The following SEPTIN3 variants were observed in gnomAD, a reference collection of about 807,000 sequenced individuals.
SEPTIN3 encodes septin 3.
A neutral mutation model predicts 45.1 loss-of-function variants in SEPTIN3; 15 were observed. The ratio of observed to expected loss-of-function variants is 0.33; its 90% CI spans 0.22 to 0.51. The LOEUF is 0.51. SEPTIN3 is among the 20% of genes least tolerant of loss of function. SEPTIN3 has a pLI of 0.97. For missense variants in SEPTIN3, 289 were observed against 457.2 expected, an observed-to-expected ratio of 0.63 and a Z score of 3.35; for synonymous variants, 148 against 164.8, an observed-to-expected ratio of 0.90 and a Z score of 0.78.
chr22:41,979,393 C>T (rs760406868), intron 2 of SEPTIN3, among the ~76,000 whole-genome samples: 27 of 152,304 alleles, frequency 1.8e-4, no homozygotes, highest in Middle Eastern at 6.8e-3. Flanking sequence ...GACCACCCCC[C>T]CAAACCATGT....
At position 41,997,431 on chromosome 22, in the gene SEPTIN3, T is replaced by C. The variant is rs984623223; in HGVS notation, c.*464T>C. The C allele has an allele frequency of 4.4e-5, 7 of 157,458 alleles. No homozygotes were observed. The highest frequency in any genetic ancestry group is 1.7e-4 in the African/African-American group (7 of 41,396). 9.8% of individuals were successfully genotyped at this position (157,458 alleles called of 1,614,324 possible). A position where few individuals can be genotyped will look rare whatever the true frequency, so the allele number is the denominator to read the frequency against. ...TGTGAGCCCCAAAGTGGGACAAGGG[T>C]GTCTCCTTCATTACTTAAAGATATT... On this transcript the variant is annotated 3_prime_UTR_variant, in exon 12 of 12. Transcript: ENST00000644076.
chr22:41,989,721 C>A (rs1200480713), intron 7 of SEPTIN3, 37 bp downstream of exon 7: 7 of 1,344,360 alleles, frequency 5.2e-6, no homozygotes, highest in Non-Finnish European at 6.4e-6. Flanking sequence ...CTGTTCCCAT[C>A]CCCTCCTTTC....
Position 41,981,625 on chromosome 22 carries a change from C to G in SEPTIN3, c.1505-20C>G. On this transcript the variant is annotated intron_variant, in intron 2 of 11. Transcript: ENST00000644076. Reference sequence around the variant, plus strand: ...GTCCTCCTGATCACCCCTCCGACCCCTCCCACCTTGGCTCTGCAGGGCTCC... The same window carrying G: ...GTCCTCCTGATCACCCCTCCGACCCGTCCCACCTTGGCTCTGCAGGGCTCC... 1 of 1,600,384 alleles carries G rather than the reference C, an allele frequency of 6.2e-7. No individual in the cohort carries two copies. The highest frequency in any genetic ancestry group is 8.5e-7 in the Non-Finnish European group (1 of 1,171,484).
chr22:41,991,539 A>T, intron 7 of SEPTIN3, 34 bp from the exon 8 acceptor site: 1 of 1,499,388 alleles, frequency 6.7e-7, no homozygotes, highest in Non-Finnish European at 9.3e-7. Flanking sequence ...TTACCCTGAC[A>T]CTTGACTACC....
In SEPTIN3 at chr22:41,972,184, G is replaced by A. The variant is rs2077966986; in HGVS notation, c.692G>A (p.Gly231Glu). The A allele has an allele frequency of 5.0e-6, 2 of 398,994 alleles. No individual in the cohort carries two copies. Among genetic ancestry groups the A allele is most frequent in the African/African-American group, 2.1e-5 (1 of 48,616 alleles). 24.7% of individuals were successfully genotyped at this position (398,994 alleles called of 1,614,324 possible). ...TDHMPTRASP[G>E]KGKPRARGIP... is the part of the protein sequence containing the mutation. The stretch of plus-strand genomic sequence containing the variant: ...CACATGCCTACCAGAGCTTCTCCAG[G>A]AAAAGGCAAGCCCCGGGCCAGGGGG... Residue 231 changes from glycine to glutamate, a missense_variant, in exon 2 of 12, where the codon GGA (glycine) becomes GAA (glutamate). Coordinates refer to ENST00000644076, the MANE Select transcript of SEPTIN3 (RefSeq NM_001363845.2).
rs148088484 is a variant in SEPTIN3 at position 41,996,691 on chromosome 22, T to A, written c.2506-211T>A. ...GTTATACATTTCAACAGAACAGGGA[T>A]CCTTGGCTACTGTAGAAGCAGTCCT... On this transcript the variant is annotated intron_variant, in intron 11 of 11. Coordinates refer to ENST00000644076, the MANE Select transcript of SEPTIN3 (RefSeq NM_001363845.2). 1.5e-3 allele frequency: 2,090 copies of A among 1,428,080 alleles called. 2 individuals carry two copies. Among genetic ancestry groups the A allele is most frequent in the Non-Finnish European group, 1.7e-3 (1,873 of 1,094,216 alleles). 88.5% of individuals were successfully genotyped at this position (1,428,080 alleles called of 1,614,324 possible).
chr22:41,974,581 T>C (rs2077995661), intron 2 of SEPTIN3, among the ~76,000 whole-genome samples: 1 of 149,136 alleles, frequency 6.7e-6, no homozygotes, highest in Non-Finnish European at 1.5e-5. Context: ...GAGAATGGCG[T>C]GAACCCAGGA....
intron 6 of SEPTIN3, 49 bp from the exon 7 acceptor site, chr22:41,989,518 T>C (rs1346298162): frequency 8.0e-7 from 1 of 1,252,322 alleles, no homozygotes. Context: ...GGTGGCTGAG[T>C]TGGGGAGGGC....
chr22:41,971,915 C>T lies in SEPTIN3; in HGVS notation c.423C>T (p.Pro141=). 1 of 399,186 alleles carries T rather than the reference C, an allele frequency of 2.5e-6. No homozygotes were observed. The highest frequency in any genetic ancestry group is 4.4e-6 in the Non-Finnish European group (1 of 226,190). The allele number at this position is 399,186 out of a possible 1,614,324, so 24.7% of individuals were successfully genotyped here. The change falls in exon 2 of 12, where the codon CCC becomes CCT. Residue 141 remains proline (P), a synonymous_variant. Transcript: ENST00000644076. ...CTACCCCAGGAAAGAAGGCTGCTCC[C>T]CATGAAGGAGGGAGGGTGTCCTCGC... ...ELPTPGKKAA[P]HEGGRVSSPG... is the part of the protein sequence containing the mutation.
At chr22:41,996,006 C>G in intron 11 of SEPTIN3, 1 of 985,298 alleles carries the variant, frequency 1.0e-6, no homozygotes, top group Non-Finnish European at 1.2e-6. Flanking sequence ...ACTTCTCTCC[C>G]TTCTAAGCAG....
intron 2 of SEPTIN3, among the ~76,000 whole-genome samples, chr22:41,978,468 A>C (rs968082910): frequency 6.6e-6 from 1 of 152,232 alleles, no homozygotes; most frequent in African/African-American, 2.4e-5. Flanking sequence ...GTCTGAGCAG[A>C]AAATGAGGCT....
At chr22:41,979,017 T>C (rs2078078518) in intron 2 of SEPTIN3, among the ~76,000 whole-genome samples, 1 of 151,956 alleles carries the variant, frequency 6.6e-6, no homozygotes, top group Non-Finnish European at 1.5e-5. Flanking sequence ...TTGGGGCTGG[T>C]GGGTGGCTTG....
Position 41,976,846 on chromosome 22 carries a change from G to GGCGCC in SEPTIN3, c.1504+3852_1504+3856dup, listed in dbSNP as rs2078031737. On this transcript the variant is annotated intron_variant, in intron 2 of 11. Transcript: ENST00000644076. This position sits in a 1 kb window ranked among gnomAD's most constrained non-coding sequence, Gnocchi z 5.8. ...CGGTGCGCGCGGACAGGGGCGGCGC[G>GGCGCC]GCGCCGAGCGAGCCGAGGCGAGGTC... The GGCGCC allele has an allele frequency of 1.3e-5, 2 of 152,442 alleles. No homozygotes were observed. Among genetic ancestry groups the GGCGCC allele is most frequent in the South Asian group, 3.5e-4 (2 of 5,766 alleles). The allele number at this position is 152,442 out of a possible 1,614,324, so 9.4% of individuals were successfully genotyped here. A position where few individuals can be genotyped will look rare whatever the true frequency, so the allele number is the denominator to read the frequency against.
chr22:41,995,660 A>T, intron 11 of SEPTIN3: 2 of 985,396 alleles, frequency 2.0e-6, no homozygotes, highest in Non-Finnish European at 2.4e-6. Context: ...TGCCTTTCAC[A>T]TAAAATCACA....
intron 7 of SEPTIN3, among the ~76,000 whole-genome samples, chr22:41,990,509 G>A (rs2078291374): frequency 6.6e-6 from 1 of 150,674 alleles, no homozygotes; most frequent in Non-Finnish European, 1.5e-5. Context: ...ACTTTGGGAG[G>A]CAGAGGCGGG....
At chr22:41,996,796 C>T in intron 11 of SEPTIN3, 106 bp from the exon 12 acceptor site, 1 of 1,553,164 alleles carries the variant, frequency 6.4e-7, no homozygotes, top group Non-Finnish European at 8.7e-7. Context: ...GGAATGGTGC[C>T]TGGCACCCCT....
At chr22:41,996,170 A>G (rs2078433641) in intron 11 of SEPTIN3, 1 of 985,182 alleles carries the variant, frequency 1.0e-6, no homozygotes, top group Non-Finnish European at 1.2e-6. Context: ...TCCCAATGAT[A>G]CCCACCGTCA....
intron 1 of SEPTIN3, among the ~76,000 whole-genome samples, chr22:41,971,258 G>A (rs922464939): frequency 1.3e-5 from 2 of 152,262 alleles, no homozygotes; most frequent in East Asian, 3.9e-4. Flanking sequence ...GCCGGGGTGG[G>A]GTAGGTATGA....
chr22:41,982,913 AAAG>A (rs2078145491), intron 3 of SEPTIN3, among the ~76,000 whole-genome samples: 1 of 151,944 alleles, frequency 6.6e-6, no homozygotes, highest in African/African-American at 2.4e-5. Flanking sequence ...AAGAAAAAAA[AAAG>A]AGTAGGAAGG....
Sources: gnomAD v4.1 joint callset for allele counts (sites outside exome capture counted in the v4.1 genomes callset) on GRCh38, gnomAD v4.1.1 for gene constraint, Gnocchi (gnomAD v3.1) non-coding constraint, MANE v1.5 for transcripts, NCBI Gene and HGNC (gene_info 2026-07-23, HGNC 2026-07-21) for gene names.